EEF2K: variants seen among roughly 807,000 people sequenced by gnomAD.
The protein encoded by EEF2K is eukaryotic elongation factor 2 kinase.
In EEF2K, 70 loss-of-function variants were observed where a neutral mutation model predicts 93.8. The ratio of observed to expected loss-of-function variants is 0.75; its 90% confidence interval spans 0.62 to 0.91. The LOEUF (loss-of-function observed/expected upper bound fraction) is 0.91, where lower values mean the gene tolerates loss of function less well. Among genes scored for constraint, EEF2K ranks in the 40% least tolerant of loss-of-function variants. The pLI is 0.00. For missense variants in EEF2K, 935 were observed against 972.9 expected (o/e 0.96, Z 0.52); for synonymous variants, 376 against 380.8 (o/e 0.99, Z 0.15).
At chr16:22,220,130 C>T (rs2046996816) in intron 1 of EEF2K, among the ~76,000 whole-genome samples, 1 of 152,192 alleles carries the variant, frequency 6.6e-6, no homozygotes, top group South Asian at 2.1e-4. Context: ...AAAGAGTGAA[C>T]AGCTATTGGG....
chr16:22,231,228 A>G (rs1487624439), intron 2 of EEF2K, among the ~76,000 whole-genome samples: 1 of 151,900 alleles, frequency 6.6e-6, no homozygotes, highest in Non-Finnish European at 1.5e-5. Context: ...AGCTGGGATT[A>G]CAGCCGCCCG....
rs546799740 is a variant in EEF2K, at chr16:22,221,091, G to A, written c.-76-4563G>A. Among the ~76,000 whole-genome samples the A allele has an allele frequency of 3.7e-4, 57 of 152,348 alleles. 1 individual carries two copies. The South Asian group carries it at 5.6e-3, about 15-fold the overall frequency. ...ATAAGAAACAAACTCAGTAGTTCAC[G>A]TTGGTTTTCAAACGGTGAGTATAGA... On this transcript the variant is annotated intron_variant, in intron 1 of 17. Transcript: ENST00000263026.
intron 10 of EEF2K, 47 bp downstream of exon 10, chr16:22,258,742 TG>T (rs2047434729): frequency 6.2e-7 from 1 of 1,610,758 alleles, no homozygotes; most frequent in Non-Finnish European, 8.5e-7. Flanking sequence ...AGGGGACAGG[TG>T]GAGCAGAGCT....
Position 22,284,785 on chromosome 16 carries a change from G to T in EEF2K, c.*789G>T, listed in dbSNP as rs940770662. 1 of 152,046 alleles carries T rather than the reference G, an allele frequency of 6.6e-6. No homozygotes were observed. The highest frequency in any genetic ancestry group is 1.5e-5 in the Non-Finnish European group (1 of 68,012). The allele number at this position is 152,046 out of a possible 1,614,324, so 9.4% of individuals were successfully genotyped here. ...CTTCACGCTGGCTTTCCTAAGTCACGGGGCGTGTATTGCCGTGGCTTAGTG... is the reference window on the plus strand; with the variant it reads ...CTTCACGCTGGCTTTCCTAAGTCACTGGGCGTGTATTGCCGTGGCTTAGTG... On this transcript the variant is annotated 3_prime_UTR_variant, in exon 18 of 18. Transcript: ENST00000263026.
chr16:22,285,038 G>A lies in EEF2K; in HGVS notation c.*1042G>A, dbSNP rs1357407638. 1 of 152,558 alleles carries A rather than the reference G, an allele frequency of 6.6e-6. No individual in the cohort carries two copies. Among genetic ancestry groups the A allele is most frequent in the Non-Finnish European group, 1.5e-5 (1 of 68,032 alleles). The allele number at this position is 152,558 out of a possible 1,614,324, so 9.5% of individuals were successfully genotyped here. A position where few individuals can be genotyped will look rare whatever the true frequency, so the allele number is the denominator to read the frequency against. ...ACGGTGGGCTTTTCAAAACAGGTTT[G>A]AGTTTTGTATGCACACGTTTACTAC... On this transcript the variant is annotated 3_prime_UTR_variant, in exon 18 of 18. Transcript: ENST00000263026.
rs1260545213 is a variant in EEF2K, at chr16:22,285,303, T to G, written c.*1307T>G. ...GCCCTGGTCCTTGGCATTTTCTGCTTGAAGCTGGGCTGATTTTCTTGTAAT... is the reference window on the plus strand; with the variant it reads ...GCCCTGGTCCTTGGCATTTTCTGCTGGAAGCTGGGCTGATTTTCTTGTAAT... On this transcript the variant is annotated 3_prime_UTR_variant, in exon 18 of 18. Transcript: ENST00000263026. The G allele has an allele frequency of 6.6e-6, 1 of 152,224 alleles. No individual in the cohort carries two copies. The highest frequency in any genetic ancestry group is 1.5e-5 in the Non-Finnish European group (1 of 68,054). 9.4% of individuals were successfully genotyped at this position (152,224 alleles called of 1,614,324 possible).
rs1253091267 is a variant in EEF2K, at chr16:22,266,470, A to G, written c.1521A>G (p.Gln507=). 1.5e-5 allele frequency: 25 copies of G among 1,614,050 alleles called. No homozygotes were observed. The highest frequency in any genetic ancestry group is 2.7e-5 in the African/African-American group (2 of 74,924). ...CTTCGGCCGTGGCCCTGGAAGTGCAAAGGCTTAATGCTCTGGACCTCGAAA... is the reference window on the plus strand; with the variant it reads ...CTTCGGCCGTGGCCCTGGAAGTGCAGAGGCTTAATGCTCTGGACCTCGAAA... ...PRASAVALEV[Q]RLNALDLEKK... The change falls in exon 14 of 18, where the codon CAA becomes CAG. Residue 507 remains glutamine (Q), a synonymous_variant. Transcript: ENST00000263026.
In EEF2K at chr16:22,284,308, T is replaced by C; in HGVS notation, c.*312T>C. ...TTTGTTTGTTTGTTTTGAGACAGAG[T>C]CTTGCTCTGTCACCCAGGCTGGAGT... On this transcript the variant is annotated 3_prime_UTR_variant, in exon 18 of 18. Transcript: ENST00000263026. 3.3e-6 allele frequency: 1 copy of C among 301,310 alleles called. No homozygotes were observed. Among genetic ancestry groups the C allele is most frequent in the Non-Finnish European group, 6.5e-6 (1 of 154,716 alleles). The allele number at this position is 301,310 out of a possible 1,614,324, so 18.7% of individuals were successfully genotyped here. A position where few individuals can be genotyped will look rare whatever the true frequency, so the allele number is the denominator to read the frequency against.
chr16:22,215,695 C>T (rs1163854962), intron 1 of EEF2K, among the ~76,000 whole-genome samples: 1 of 152,030 alleles, frequency 6.6e-6, no homozygotes, highest in Non-Finnish European at 1.5e-5. Flanking sequence ...GAGGCTGAGG[C>T]GGGTGGATCA....
Position 22,280,367 on chromosome 16 carries a change from C to T in EEF2K, c.2059C>T (p.Gln687Ter). 1.9e-6 allele frequency: 3 copies of T among 1,569,738 alleles called. No homozygotes were observed. The highest frequency in any genetic ancestry group is 2.6e-6 in the Non-Finnish European group (3 of 1,157,196). The stretch of plus-strand genomic sequence containing the variant: ...AGGCTACGGGCTGGAGAAGGACCCG[C>T]AGAGATCAGGTAGGGCCTGGCAGAC... The part of the protein sequence containing the change: ...TGGYGLEKDP[Q>*]RSGDLYTQAA... The change falls in exon 17 of 18, where the codon CAG becomes TAG. Residue 687 changes from glutamine to a stop codon, truncating the protein, a stop_gained. Transcript: ENST00000263026. LOFTEE classifies it high-confidence loss of function.
At chr16:22,281,614 C>A (rs11074510) in intron 17 of EEF2K, among the ~76,000 whole-genome samples, 5 of 152,006 alleles carry the variant, frequency 3.3e-5, no homozygotes, top group South Asian at 4.1e-4. Flanking sequence ...TTCCATCACC[C>A]CAAAAAGAAA....
At chr16:22,262,871 G>T (rs1480518494) in intron 11 of EEF2K, among the ~76,000 whole-genome samples, 1 of 152,152 alleles carries the variant, frequency 6.6e-6, no homozygotes, top group Non-Finnish European at 1.5e-5. Flanking sequence ...ACCTTATACT[G>T]CTCCCTCGTT....
intron 1 of EEF2K, among the ~76,000 whole-genome samples, chr16:22,207,035 G>A (rs1167144004): frequency 6.6e-6 from 1 of 152,190 alleles, no homozygotes; most frequent in African/African-American, 2.4e-5. Flanking sequence ...TCCCCTGCAG[G>A]GCTCAGAGCC....
intron 2 of EEF2K, among the ~76,000 whole-genome samples, chr16:22,236,386 C>T (rs11865045): frequency 0.072 from 10,919 of 150,752 alleles, 1,331 homozygotes; most frequent in African/African-American, 0.25. Flanking sequence ...GTGATCCTTC[C>T]ACCTCAGCCT....
chr16:22,264,826 A>G lies in EEF2K; in HGVS notation c.1386A>G (p.Ser462=). Residue 462 remains serine, a synonymous_variant, in exon 13 of 18, where the codon TCA becomes TCG. Transcript: ENST00000263026. ...DDPEPREHGH[S]YSNRKYESDE... ...TTTCTTCCTCCGTTCAGGGCCACTC[A>G]TACAGTAATCGGAAGTACGAGTCTG... is the stretch of plus-strand genomic sequence containing the variant. 6.2e-7 allele frequency: 1 copy of G among 1,614,022 alleles called. No homozygotes were observed. The highest frequency in any genetic ancestry group is 8.5e-7 in the Non-Finnish European group (1 of 1,179,942).
intron 15 of EEF2K, among the ~76,000 whole-genome samples, chr16:22,272,722 C>T (rs2047595907): frequency 6.6e-6 from 1 of 150,734 alleles, no homozygotes; most frequent in Non-Finnish European, 1.5e-5. Context: ...AGTGCAGTGG[C>T]TTGATCTCGG....
chr16:22,207,541 G>A (rs935382908), intron 1 of EEF2K, among the ~76,000 whole-genome samples: 1 of 152,126 alleles, frequency 6.6e-6, no homozygotes, highest in African/African-American at 2.4e-5. Context: ...AAGAGTAGAT[G>A]AGTATGTATA....
At chr16:22,245,426 G>A (rs1300353617) in intron 3 of EEF2K, among the ~76,000 whole-genome samples, 1 of 151,984 alleles carries the variant, frequency 6.6e-6, no homozygotes, top group African/African-American at 2.4e-5. Context: ...TGCAGCTCTG[G>A]AGAGCTTTCC....
rs1384766059 is a variant in EEF2K at position 22,263,347 on chromosome 16, G to A, written c.1377+160G>A. Reference sequence around the variant, plus strand: ...TTTCAGGCCGGTCATGGTGGCTCACGCCTGTAATCCCAGCACTTTGGGAGG... The same window carrying A: ...TTTCAGGCCGGTCATGGTGGCTCACACCTGTAATCCCAGCACTTTGGGAGG... On this transcript the variant is annotated intron_variant, in intron 12 of 17. Coordinates refer to ENST00000263026, the MANE Select transcript of EEF2K (RefSeq NM_013302.5). 8 of 515,006 alleles carry A rather than the reference G, an allele frequency of 1.6e-5. No homozygotes were observed. The East Asian group carries it at 3.6e-4, about 23-fold the overall frequency. 31.9% of individuals were successfully genotyped at this position (515,006 alleles called of 1,614,324 possible). A position where few individuals can be genotyped will look rare whatever the true frequency, so the allele number is the denominator to read the frequency against.
Sources: gnomAD v4.1 joint callset for allele counts (sites outside exome capture counted in the v4.1 genomes callset) on GRCh38, gnomAD v4.1.1 for gene constraint, MANE v1.5 for transcripts, NCBI Gene and HGNC (gene_info 2026-07-23, HGNC 2026-07-21) for gene names.